MICU3: variants seen among roughly 807,000 people sequenced by gnomAD.
MICU3 encodes the protein calcium uptake protein 3, mitochondrial.
MICU3 carries 62 observed loss-of-function variants against 66.5 expected under a neutral mutation model. The observed-to-expected ratio is 0.93, with a 90% CI of 0.76 to 1.15. The LOEUF (loss-of-function observed/expected upper bound fraction) is 1.15. Ranked by LOEUF, MICU3 falls within the 50% of genes most tolerant of loss-of-function variation. MICU3 has a pLI of 0.00. For synonymous variants in MICU3, 308 were observed against 240.7 expected (o/e 1.28, Z -2.59); for missense variants, 779 against 664.4 (o/e 1.17, Z -1.90).
intron 6 of MICU3, 136 bp downstream of exon 6, chr8:17,085,454 A>G: frequency 1.9e-6 from 1 of 521,352 alleles, no homozygotes; most frequent in East Asian, 2.9e-5. Context: ...TTAATAAAGT[A>G]TAATACTCAG....
intron 1 of MICU3, among the ~76,000 whole-genome samples, chr8:17,062,368 T>C (rs559407060): frequency 9.2e-5 from 14 of 152,318 alleles, no homozygotes; most frequent in African/African-American, 3.1e-4. Context: ...TAGATTGATA[T>C]TCATTCCTTA....
chr8:17,049,023 G>A (rs1815601303), intron 1 of MICU3, among the ~76,000 whole-genome samples: 2 of 151,800 alleles, frequency 1.3e-5, no homozygotes, highest in African/African-American at 4.9e-5. Context: ...GTATTTCGGG[G>A]ATGGATAACT....
intron 6 of MICU3, among the ~76,000 whole-genome samples, chr8:17,086,290 G>A (rs1799460176): frequency 6.6e-6 from 1 of 151,982 alleles, no homozygotes; most frequent in Non-Finnish European, 1.5e-5. Context: ...TTCTTAGTAG[G>A]AAAGAGAAAA....
rs187749149 is a variant in MICU3, at chr8:17,061,075, A to G, written c.382-3009A>G. On this transcript the variant is annotated intron_variant, in intron 1 of 14. Coordinates refer to ENST00000318063, the MANE Select transcript of MICU3 (RefSeq NM_181723.3). ...GTTCTGCATGTTTTCTCTCACTTCAACATGGGATGGATTAGAGGTAACAAT... is the reference window on the plus strand; with the variant it reads ...GTTCTGCATGTTTTCTCTCACTTCAGCATGGGATGGATTAGAGGTAACAAT... Among the ~76,000 whole-genome samples the G allele has an allele frequency of 2.6e-5, 4 of 152,280 alleles. No individual in the cohort carries two copies. In the East Asian group the frequency reaches 5.8e-4, roughly 22 times the overall value.
At chr8:17,123,919 A>G (rs905551274), downstream of MICU3, among the ~76,000 whole-genome samples, 10 of 148,840 alleles carry the variant, frequency 6.7e-5, no homozygotes, top group African/African-American at 2.5e-4. Flanking sequence ...TTATATGCAT[A>G]TATTTTAAAA....
At chr8:17,038,738 G>A (rs1444622512) in intron 1 of MICU3, among the ~76,000 whole-genome samples, 1 of 152,068 alleles carries the variant, frequency 6.6e-6, no homozygotes, top group African/African-American at 2.4e-5. Flanking sequence ...CAGATCATGA[G>A]GTCAGGAGAT....
chr8:17,137,001 A>T, the MICU3 span, among the ~76,000 whole-genome samples: 3 of 151,822 alleles, frequency 2.0e-5, no homozygotes, highest in Non-Finnish European at 4.4e-5. Context: ...CGCCCAGCTA[A>T]TTTTTGTATT....
intron 7 of MICU3, among the ~76,000 whole-genome samples, chr8:17,087,463 A>G (rs1225738901): frequency 6.6e-6 from 1 of 152,034 alleles, no homozygotes; most frequent in Non-Finnish European, 1.5e-5. Context: ...AGATGTATAT[A>G]TTAGAGATTC....
At chr8:17,032,199 C>T (rs372127066) in intron 1 of MICU3, among the ~76,000 whole-genome samples, 31 of 152,300 alleles carry the variant, frequency 2.0e-4, no homozygotes, top group African/African-American at 6.5e-4. Context: ...GATCAGATCA[C>T]GTGGCACTGT....
At chr8:17,136,524 G>GT in the MICU3 span, among the ~76,000 whole-genome samples, 3 of 152,040 alleles carry the variant, frequency 2.0e-5, no homozygotes, top group African/African-American at 7.2e-5. Flanking sequence ...CTGGGAAAAT[G>GT]GAGCTTGTGG....
At chr8:17,116,415 A>G (rs1330747400) in intron 12 of MICU3, 28 bp from the exon 13 acceptor site, 8 of 1,366,878 alleles carry the variant, frequency 5.9e-6, no homozygotes, top group African/African-American at 4.5e-5. Flanking sequence ...ATAACAGTCT[A>G]TTCTTTTTCT....
At chr8:17,082,450 G>C (rs1347868524) in intron 5 of MICU3, among the ~76,000 whole-genome samples, 1 of 151,978 alleles carries the variant, frequency 6.6e-6, no homozygotes, top group African/African-American at 2.4e-5. Context: ...CTCTCTCTTT[G>C]TATCTCTTTA....
chr8:17,033,046 C>G (rs1351557207), intron 1 of MICU3, among the ~76,000 whole-genome samples: 5 of 152,166 alleles, frequency 3.3e-5, no homozygotes, highest in African/African-American at 1.2e-4. Flanking sequence ...TTTCCCTCTT[C>G]TCGGGCCTCC....
chr8:17,127,046 T>G (rs1236154670), downstream of MICU3, among the ~76,000 whole-genome samples: 1 of 152,192 alleles, frequency 6.6e-6, no homozygotes, highest in Non-Finnish European at 1.5e-5. Flanking sequence ...GTAAGCACAT[T>G]AGTCTGCTAG....
At chr8:17,104,167 T>G (rs529840332) in intron 9 of MICU3, among the ~76,000 whole-genome samples, 7 of 151,968 alleles carry the variant, frequency 4.6e-5, no homozygotes, top group Non-Finnish European at 8.8e-5. Context: ...TCAAAAATTT[T>G]TGAGTACAAT....
downstream of MICU3, among the ~76,000 whole-genome samples, chr8:17,127,378 G>T (rs2952122): frequency 0.013 from 2,042 of 152,248 alleles, 50 homozygotes; most frequent in African/African-American, 0.047. Flanking sequence ...ATTGTGCCCT[G>T]CTAAGTAGGC....
At chr8:17,136,970 A>T in the MICU3 span, among the ~76,000 whole-genome samples, 1 of 151,496 alleles carries the variant, frequency 6.6e-6, no homozygotes, top group Non-Finnish European at 1.5e-5. Context: ...AAGTAGCTGG[A>T]ACTACAGGTG....
At chr8:17,118,881 A>C (rs1802950997) in intron 14 of MICU3, 106 bp downstream of exon 14, 1 of 654,800 alleles carries the variant, frequency 1.5e-6, no homozygotes, top group Admixed American at 3.4e-5. Flanking sequence ...AGAATTATCT[A>C]ATTTATTTTT....
rs578237490 is a variant in MICU3 at position 17,048,304 on chromosome 8, A to G, written c.382-15780A>G. ...CATATCCTAAATGTGTAGATCTACA[A>G]ATTAATAAGAAAAAGAAAACACGAT... is the stretch of plus-strand genomic sequence containing the variant. On this transcript the variant is annotated intron_variant, in intron 1 of 14. Transcript: ENST00000318063. Among the ~76,000 whole-genome samples the G allele has an allele frequency of 4.8e-5, 5 of 104,626 alleles. No homozygotes were observed. The South Asian group carries it at 1.4e-3, about 30-fold the overall frequency. The allele number at this position is 104,626 out of a possible 152,430, so 68.6% of individuals were successfully genotyped here.
Sources: gnomAD v4.1 joint callset for allele counts (sites outside exome capture counted in the v4.1 genomes callset) on GRCh38, gnomAD v4.1.1 for gene constraint, MANE v1.5 for transcripts, NCBI Gene and HGNC (gene_info 2026-07-23, HGNC 2026-07-21) for gene names.